The following RELN variants were observed in gnomAD, a reference collection of about 807,000 sequenced individuals.
RELN encodes the protein reelin.
Under a neutral mutation model 427.6 loss-of-function variants are expected in RELN, and 108 were observed. That is an observed-to-expected ratio of 0.25 (90% CI 0.22 to 0.30). The LOEUF (loss-of-function observed/expected upper bound fraction) is 0.30, where lower values mean the gene tolerates loss of function less well. RELN is among the 10% of genes least tolerant of loss of function. The pLI is 1.00. For synonymous variants in RELN, 1,524 were observed against 1,513.4 expected (o/e 1.01, Z -0.16); for missense variants, 3,715 against 4,302.8 (o/e 0.86, Z 3.82).
rs763673312 is a variant in RELN at position 103,593,732 on chromosome 7, C to A, written c.3862G>T (p.Ala1288Ser). Residue 1288 changes from alanine (A) to serine (S), a missense_variant, in exon 27 of 65, where the codon GCA becomes TCA. Ala to Ser is a moderately conservative substitution (Grantham distance 99). Transcript: ENST00000428762. ...TTCAGGGTCAAATCTCGAGTTACTG[C>A]AAATCGATCTCCATCTGATTTTCCA... Reference protein sequence around the residue: ...IFGKSDGDRFAVTRDLTLKPG... With the variant: ...IFGKSDGDRFSVTRDLTLKPG... 2.5e-6 allele frequency: 4 copies of A among 1,614,006 alleles called. No individual in the cohort carries two copies. The South Asian group carries it at 4.4e-5, about 18-fold the overall frequency.
chr7:103,505,969 T>A (rs1375351407), intron 51 of RELN, among the ~76,000 whole-genome samples: 1 of 152,050 alleles, frequency 6.6e-6, no homozygotes, highest in Non-Finnish European at 1.5e-5. Flanking sequence ...GCCGAATCGA[T>A]CAAGTGGAGG....
rs775397459 is a variant in RELN, at chr7:103,833,699, C to T, written c.338-27G>A. ...TAAGAGAAAGGAAGGAGAGTTGTTA[C>T]AAAGACAACAAAACAAAGATCTTCC... On this transcript the variant is annotated intron_variant, in intron 2 of 64. Coordinates refer to ENST00000428762, the MANE Select transcript of RELN (RefSeq NM_005045.4). The T allele has an allele frequency of 1.9e-6, 3 of 1,602,640 alleles. No individual in the cohort carries two copies. The African/African-American group carries it at 4.0e-5, about 21-fold the overall frequency.
chr7:103,918,317 AG>A (rs1317412892), intron 1 of RELN, among the ~76,000 whole-genome samples: 5 of 152,184 alleles, frequency 3.3e-5, no homozygotes, highest in Non-Finnish European at 7.3e-5. Flanking sequence ...TTGGGCACTG[AG>A]GTAAGTAGTT....
chr7:103,749,406 G>A lies in RELN; in HGVS notation c.656+20C>T, dbSNP rs2116064230. 3 of 1,592,816 alleles carry A rather than the reference G, an allele frequency of 1.9e-6. No homozygotes were observed. The East Asian group carries it at 6.7e-5, about 36-fold the overall frequency. On this transcript the variant is annotated intron_variant, in intron 6 of 64. Transcript: ENST00000428762. ...TGTTACATTAAGCAAACCAAAGTGA[G>A]GAATGTTCCTGTAACTTACCATATA...
At chr7:103,799,718 T>C (rs1792396799) in intron 3 of RELN, among the ~76,000 whole-genome samples, 1 of 152,168 alleles carries the variant, frequency 6.6e-6, no homozygotes, top group Non-Finnish European at 1.5e-5. Flanking sequence ...TTTCATGGCA[T>C]TTGTCACAGT....
chr7:103,568,338 T>A (rs1830808984), intron 31 of RELN, among the ~76,000 whole-genome samples: 1 of 152,158 alleles, frequency 6.6e-6, no homozygotes, highest in South Asian at 2.1e-4. Context: ...ACAAATATGC[T>A]AAAATTAGAA....
chr7:103,891,760 G>T (rs1794854601), intron 2 of RELN, among the ~76,000 whole-genome samples: 1 of 151,938 alleles, frequency 6.6e-6, no homozygotes. Flanking sequence ...AATAAAAATT[G>T]TATCACCTAT....
chr7:103,574,048 A>G (rs764511369), intron 30 of RELN, 44 bp downstream of exon 30: 5 of 1,431,506 alleles, frequency 3.5e-6, no homozygotes, highest in Non-Finnish European at 3.9e-6. Flanking sequence ...ATCGTGTGGT[A>G]AATAATATGT....
intron 25 of RELN, among the ~76,000 whole-genome samples, chr7:103,595,154 T>C (rs1287247716): frequency 6.6e-6 from 1 of 152,236 alleles, no homozygotes; most frequent in Non-Finnish European, 1.5e-5. Flanking sequence ...AGGAAGCCAT[T>C]ACATTTTTAT....
intron 19 of RELN, 151 bp downstream of exon 19, chr7:103,635,274 G>A (rs1250793961): frequency 8.2e-6 from 6 of 733,720 alleles, no homozygotes; most frequent in Non-Finnish European, 1.3e-5. Flanking sequence ...GGATGGGTTG[G>A]CTTGGTAGTT....
chr7:103,747,745 G>A (rs1790882789), intron 6 of RELN, among the ~76,000 whole-genome samples: 1 of 151,064 alleles, frequency 6.6e-6, no homozygotes, highest in African/African-American at 2.4e-5. Context: ...TTGATAAAAG[G>A]CAGAAGGACT....
chr7:103,635,868 A>G (rs1832568453), intron 18 of RELN, among the ~76,000 whole-genome samples: 1 of 152,194 alleles, frequency 6.6e-6, no homozygotes, highest in African/African-American at 2.4e-5. Flanking sequence ...TCACTTCTTT[A>G]CTGCATTATT....
At chr7:103,658,803 ATCTC>A (rs140889823) in intron 12 of RELN, among the ~76,000 whole-genome samples, 7 of 145,538 alleles carry the variant, frequency 4.8e-5, no homozygotes, top group African/African-American at 1.5e-4. Flanking sequence ...ATCCTGGTTG[ATCTC>A]TCTCTCTCTC....
chr7:103,934,782 G>T (rs576297560), intron 1 of RELN, among the ~76,000 whole-genome samples: 7 of 152,216 alleles, frequency 4.6e-5, no homozygotes, highest in Admixed American at 1.3e-4. Context: ...ACTGATGTTG[G>T]ATTCCCATTA....
At chr7:103,604,537 T>C in intron 22 of RELN, 54 bp from the exon 23 acceptor site, 1 of 1,597,946 alleles carries the variant, frequency 6.3e-7, no homozygotes, top group Non-Finnish European at 8.6e-7. Flanking sequence ...AGCAGTGACA[T>C]TGGCAAAGAA....
At chr7:103,926,602 C>T (rs527661200) in intron 1 of RELN, among the ~76,000 whole-genome samples, 7 of 149,266 alleles carry the variant, frequency 4.7e-5, no homozygotes, top group East Asian at 2.0e-4. Context: ...ATAGTTAAAC[C>T]GAACGCAGCT....
chr7:103,989,014 G>T lies in RELN; in HGVS notation c.226+117C>A. 2 of 905,138 alleles carry T rather than the reference G, an allele frequency of 2.2e-6. No individual in the cohort carries two copies. The highest frequency in any genetic ancestry group is 2.5e-5 in the East Asian group (1 of 40,410). The allele number at this position is 905,138 out of a possible 1,614,324, so 56.1% of individuals were successfully genotyped here. On this transcript the variant is annotated intron_variant, in intron 1 of 64. Transcript: ENST00000428762. The surrounding 1 kb of genome is among the most constrained non-coding windows in gnomAD (Gnocchi z 4.9). ...CTCCCTGGACCAAGCGCATCGCTGG[G>T]GCCAGGGTTGTCATGGTTCTTGTTT...
rs1357029501 is a variant in RELN, at chr7:103,953,146, T to C, written c.227-35961A>G. 6.6e-6 allele frequency among the ~76,000 whole-genome samples: 1 copy of C among 152,118 alleles called. No homozygotes were observed. The highest frequency in any genetic ancestry group is 1.5e-5 in the Non-Finnish European group (1 of 68,030). On this transcript the variant is annotated intron_variant, in intron 1 of 64. Transcript: ENST00000428762. The surrounding 1 kb of genome is among the most constrained non-coding windows in gnomAD (Gnocchi z 4.3). Reference sequence around the variant, plus strand: ...CTGCTCACTTCAAAGAGATATTTGCTCCAAGATCAGCACCACAGGGGAAAA... The same window carrying C: ...CTGCTCACTTCAAAGAGATATTTGCCCCAAGATCAGCACCACAGGGGAAAA...
At chr7:103,832,244 A>G (rs1198040791) in intron 3 of RELN, among the ~76,000 whole-genome samples, 1 of 152,142 alleles carries the variant, frequency 6.6e-6, no homozygotes, top group Non-Finnish European at 1.5e-5. Context: ...AAAACCATTC[A>G]AGATGCCTTC....
Sources: gnomAD v4.1 joint callset for allele counts (sites outside exome capture counted in the v4.1 genomes callset) on GRCh38, gnomAD v4.1.1 for gene constraint, Gnocchi (gnomAD v3.1) non-coding constraint, MANE v1.5 for transcripts, NCBI Gene and HGNC (gene_info 2026-07-23, HGNC 2026-07-21) for gene names.